Variants in PATJ observed in about 807,000 individuals in gnomAD.
PATJ encodes the protein PATJ crumbs cell polarity complex component, also known as inaD-like protein.
In PATJ, 190 loss-of-function variants were observed where a neutral mutation model predicts 224.9. The observed-to-expected ratio is 0.84, with a 90% CI of 0.75 to 0.95. The LOEUF (loss-of-function observed/expected upper bound fraction) is 0.95. Among genes scored for constraint, PATJ ranks in the 40% least tolerant of loss-of-function variants. The pLI is 0.00. For missense variants in PATJ, 2,121 were observed against 2,270.3 expected, an observed-to-expected ratio of 0.93 and a Z score of 1.34; for synonymous variants, 769 against 820.3, an observed-to-expected ratio of 0.94 and a Z score of 1.07.
rs1655342534 is a variant in PATJ, at chr1:62,061,064, G to A, written c.4125+10006G>A. 1.1e-4 allele frequency among the ~76,000 whole-genome samples: 16 copies of A among 152,136 alleles called. No individual in the cohort carries two copies. In the South Asian group the frequency reaches 3.1e-3, roughly 30 times the overall value. Reference sequence around the variant, plus strand: ...TAAGGGCATATTGTGTGATGCTGAGGTTTGGGATATGATTGAACCTCTGTG... The same window carrying A: ...TAAGGGCATATTGTGTGATGCTGAGATTTGGGATATGATTGAACCTCTGTG... On this transcript the variant is annotated intron_variant, in intron 31 of 43. Coordinates refer to ENST00000642238, the MANE Select transcript of PATJ (RefSeq NM_001350145.3).
intron 17 of PATJ, chr1:61,852,360 A>G (rs1662965793): frequency 6.6e-6 from 1 of 152,158 alleles, no homozygotes; most frequent in Non-Finnish European, 1.5e-5. Context: ...TCTTAAACAC[A>G]ATGTTCCTTG....
At chr1:61,985,504 A>G (rs1172428024) in intron 27 of PATJ, among the ~76,000 whole-genome samples, 2 of 152,082 alleles carry the variant, frequency 1.3e-5, no homozygotes, top group African/African-American at 4.8e-5. Flanking sequence ...GTTCAGTGTT[A>G]AATACATTCA....
chr1:62,144,777 A>AAAAATATATATATATATATAT (rs377489788), intron 41 of PATJ, among the ~76,000 whole-genome samples: 3 of 119,102 alleles, frequency 2.5e-5, no homozygotes, highest in Non-Finnish European at 5.0e-5. Flanking sequence ...AAAAAAAAAA[A>AAAAATATATATATATATATAT]ATATATATAT....
intron 33 of PATJ, among the ~76,000 whole-genome samples, chr1:62,087,158 G>T (rs1368910812): frequency 2.0e-5 from 3 of 151,788 alleles, no homozygotes; most frequent in African/African-American, 7.3e-5. Context: ...TGGAGAAGAA[G>T]AATTTTATTT....
At chr1:61,834,106 A>C (rs528083973) in intron 17 of PATJ, among the ~76,000 whole-genome samples, 1 of 152,254 alleles carries the variant, frequency 6.6e-6, no homozygotes, top group South Asian at 2.1e-4. Flanking sequence ...CATACCATAA[A>C]ATTCACCCAT....
chr1:62,013,701 A>G (rs1266416704), intron 28 of PATJ, among the ~76,000 whole-genome samples: 1 of 152,254 alleles, frequency 6.6e-6, no homozygotes, highest in East Asian at 1.9e-4. Flanking sequence ...GCAGAGGCTG[A>G]ACACAGTGGG....
At chr1:61,874,014 G>C (rs1303674173) in intron 20 of PATJ, among the ~76,000 whole-genome samples, 1 of 152,024 alleles carries the variant, frequency 6.6e-6, no homozygotes, top group African/African-American at 2.4e-5. Context: ...GTGTGTCCGT[G>C]TGCCTAATTC....
At chr1:61,812,402 G>A (rs1179304418) in intron 14 of PATJ, among the ~76,000 whole-genome samples, 1 of 102,554 alleles carries the variant, frequency 9.8e-6, no homozygotes, top group East Asian at 5.3e-4. Context: ...GAGAATGTGA[G>A]TGACTGAGAG....
At chr1:61,885,451 G>A (rs1212826538) in intron 22 of PATJ, among the ~76,000 whole-genome samples, 1 of 152,164 alleles carries the variant, frequency 6.6e-6, no homozygotes, top group East Asian at 1.9e-4. Flanking sequence ...GGCCATCAGA[G>A]AAATGCAAAT....
chr1:61,992,500 T>C (rs1314581568), intron 28 of PATJ, among the ~76,000 whole-genome samples: 1 of 152,230 alleles, frequency 6.6e-6, no homozygotes, highest in African/African-American at 2.4e-5. Flanking sequence ...CAGGGAATCA[T>C]GTACATTAAG....
intron 1 of PATJ, among the ~76,000 whole-genome samples, chr1:61,754,607 C>T (rs1645527332): frequency 6.6e-6 from 1 of 150,950 alleles, no homozygotes; most frequent in Non-Finnish European, 1.5e-5. Flanking sequence ...AGCAATCCTC[C>T]CACTTGGGCC....
rs771428756 is a variant in PATJ at position 61,759,358 on chromosome 1, TC to T, written c.-35-3495del. Among the ~76,000 whole-genome samples, 3 of 150,710 alleles carry T rather than the reference TC, an allele frequency of 2.0e-5. No individual in the cohort carries two copies. In the East Asian group the frequency reaches 5.9e-4, roughly 29 times the overall value. ...AGCCACAGGCTTGCTGTTAACCCTT[TC>T]CCCCTCATCCCCTTTTCAGTACATT... On this transcript the variant is annotated intron_variant, in intron 1 of 43. Coordinates refer to ENST00000642238, the MANE Select transcript of PATJ (RefSeq NM_001350145.3).
intron 41 of PATJ, among the ~76,000 whole-genome samples, chr1:62,144,743 T>C (rs981060609): frequency 3.1e-5 from 4 of 130,886 alleles, no homozygotes; most frequent in Non-Finnish European, 6.4e-5. Flanking sequence ...ATATTTCTTC[T>C]AAATGCTCTA....
chr1:61,875,424 T>C, intron 21 of PATJ, 58 bp downstream of exon 21: 3 of 1,430,762 alleles, frequency 2.1e-6, no homozygotes, highest in Non-Finnish European at 2.9e-6. Flanking sequence ...GCTTTCAGTT[T>C]TATGTTTGTA....
chr1:62,126,949 G>A (rs1295695648), intron 39 of PATJ, among the ~76,000 whole-genome samples: 1 of 152,116 alleles, frequency 6.6e-6, no homozygotes, highest in East Asian at 1.9e-4. Context: ...AACACTGTCA[G>A]GTATGTAGTA....
At chr1:61,783,423 CTT>C (rs79615768) in intron 7 of PATJ, among the ~76,000 whole-genome samples, 1 of 119,170 alleles carries the variant, frequency 8.4e-6, no homozygotes. Flanking sequence ...CTTTTCTTTT[CTT>C]TTTTTTTTTT....
At chr1:61,837,345 T>TA (rs1272962383) in intron 17 of PATJ, among the ~76,000 whole-genome samples, 5 of 152,210 alleles carry the variant, frequency 3.3e-5, no homozygotes, top group African/African-American at 9.6e-5. Context: ...ATTACAAAAA[T>TA]TAATAAGTAG....
chr1:61,805,768 G>A (rs1434244722), intron 13 of PATJ, among the ~76,000 whole-genome samples: 1 of 152,188 alleles, frequency 6.6e-6, no homozygotes, highest in Admixed American at 6.5e-5. Context: ...AGTTCGTGTT[G>A]AAACCATTTA....
chr1:62,148,121 T>TAAAAAAAAAAA (rs59697245), intron 41 of PATJ, among the ~76,000 whole-genome samples, 163 bp from the exon 42 acceptor site: 2 of 118,456 alleles, frequency 1.7e-5, no homozygotes, highest in South Asian at 2.9e-4. Flanking sequence ...ACACTGTCTT[T>TAAAAAAAAAAA]AAAAAAAAAA....
Sources: allele counts gnomAD v4.1 joint callset (sites outside exome capture counted in the v4.1 genomes callset), GRCh38; gene constraint gnomAD v4.1.1; transcripts MANE v1.5; gene names NCBI Gene and HGNC (gene_info 2026-07-23, HGNC 2026-07-21).